The following SOCS6 variants were observed in gnomAD, a reference collection of about 807,000 sequenced individuals.
SOCS6 encodes suppressor of cytokine signaling 6, also known as STAT induced STAT inhibitor-4.
Under a neutral mutation model 27.7 loss-of-function variants are expected in SOCS6, and 5 were observed. The observed-to-expected ratio is 0.18, with a 90% CI of 0.09 to 0.38. The LOEUF (loss-of-function observed/expected upper bound fraction) is 0.38, where lower values mean the gene tolerates loss of function less well. Ranked by LOEUF, SOCS6 falls within the 10% of genes least tolerant of loss-of-function variation. The pLI is 1.00. For synonymous variants in SOCS6, 271 were observed against 260.0 expected (o/e 1.04, Z -0.41); for missense variants, 595 against 688.1 (o/e 0.86, Z 1.51).
In SOCS6 at chr18:70,316,050, A is replaced by G. The variant is rs189924444; in HGVS notation, c.-126-8493A>G. On this transcript the variant is annotated intron_variant, in intron 1 of 1. Coordinates refer to ENST00000397942, the MANE Select transcript of SOCS6 (RefSeq NM_004232.4). ...TTTTTAGTAGAGACAGGGTTTCAGC[A>G]TGTTGGCCAGGCTGGTCTTGAGCTC... Among the ~76,000 whole-genome samples, 817 of 152,068 alleles carry G rather than the reference A, an allele frequency of 5.4e-3. 1 individual carries two copies. The highest frequency in any genetic ancestry group is 6.7e-3 in the Non-Finnish European group (454 of 67,980).
In SOCS6 at chr18:70,326,630, C is replaced by A; in HGVS notation, c.*354C>A. Reference sequence around the variant, plus strand: ...ATTAAAAGCACATTTCATGTGTATTCAACCCTAAGTAAAGTTGAATGAAAC... The same window carrying A: ...ATTAAAAGCACATTTCATGTGTATTAAACCCTAAGTAAAGTTGAATGAAAC... On this transcript the variant is annotated 3_prime_UTR_variant, in exon 2 of 2. Transcript: ENST00000397942. 4.5e-6 allele frequency: 1 copy of A among 220,174 alleles called. No homozygotes were observed. The highest frequency in any genetic ancestry group is 9.9e-6 in the Non-Finnish European group (1 of 101,050). 13.6% of individuals were successfully genotyped at this position (220,174 alleles called of 1,614,324 possible).
chr18:70,309,421 A>T (rs541019743), intron 1 of SOCS6, among the ~76,000 whole-genome samples: 45 of 152,190 alleles, frequency 3.0e-4, no homozygotes, highest in African/African-American at 1.0e-3. Flanking sequence ...TCTTTTTAAA[A>T]TTTATTTTTG....
intron 1 of SOCS6, among the ~76,000 whole-genome samples, chr18:70,300,112 G>A (rs1021331359): frequency 2.0e-5 from 3 of 151,978 alleles, no homozygotes; most frequent in African/African-American, 7.3e-5. Context: ...GAGGTGTGCA[G>A]TCATTTAATC....
At chr18:70,311,466 A>G (rs148593581) in intron 1 of SOCS6, among the ~76,000 whole-genome samples, 14 of 152,276 alleles carry the variant, frequency 9.2e-5, no homozygotes, top group African/African-American at 3.4e-4. Context: ...ACTGAAACAC[A>G]GAGACAGGGT....
rs747415273 is a variant in SOCS6 at position 70,326,275 on chromosome 18, GA to G, written c.*2del. On this transcript the variant is annotated frameshift_variant and stop_lost, in exon 2 of 2. Transcript: ENST00000397942. LOFTEE classifies it high-confidence loss of function. ...GATTATTTACAGGAGAAGCACTACT[GA>G]AAGATTGAGAACCCTGCATCTTGCA... ...MKDYLQEKHY[*>X] is the part of the protein sequence containing the mutation. 7 of 1,608,012 alleles carry G rather than the reference GA, an allele frequency of 4.4e-6. No homozygotes were observed. The African/African-American group carries it at 6.7e-5, about 15-fold the overall frequency.
At chr18:70,299,986 A>G (rs1458211036) in intron 1 of SOCS6, among the ~76,000 whole-genome samples, 1 of 152,194 alleles carries the variant, frequency 6.6e-6, no homozygotes, top group East Asian at 1.9e-4. Context: ...CCTGGAGCCA[A>G]TCCCCCATGA....
At position 70,326,751 on chromosome 18, in the gene SOCS6, A is replaced by G. The variant is rs1911225479; in HGVS notation, c.*475A>G. The G allele has an allele frequency of 5.9e-6, 1 of 170,908 alleles. No individual in the cohort carries two copies. Among genetic ancestry groups the G allele is most frequent in the African/African-American group, 2.4e-5 (1 of 41,482 alleles). 10.6% of individuals were successfully genotyped at this position (170,908 alleles called of 1,614,324 possible). ...CTGTGTGATAAAACACAGAATTTAC[A>G]TATACACTGAAGATGAGTTTTTAAT... On this transcript the variant is annotated 3_prime_UTR_variant, in exon 2 of 2. Coordinates refer to ENST00000397942, the MANE Select transcript of SOCS6 (RefSeq NM_004232.4).
intron 1 of SOCS6, among the ~76,000 whole-genome samples, chr18:70,309,428 T>G (rs1326472611): frequency 6.6e-6 from 1 of 152,140 alleles, no homozygotes; most frequent in Non-Finnish European, 1.5e-5. Flanking sequence ...AAAATTTATT[T>G]TTGTTTATTT....
At chr18:70,290,693 G>A (rs541674164) in intron 1 of SOCS6, among the ~76,000 whole-genome samples, 1 of 152,330 alleles carries the variant, frequency 6.6e-6, no homozygotes, top group East Asian at 1.9e-4. Flanking sequence ...CTTCTATCTG[G>A]AGTTTGGCCA....
intron 1 of SOCS6, among the ~76,000 whole-genome samples, chr18:70,309,225 C>CT: frequency 6.6e-6 from 1 of 152,076 alleles, no homozygotes; most frequent in South Asian, 2.1e-4. Flanking sequence ...CCATTTGTCA[C>CT]TTTTTTGTTT....
At chr18:70,318,111 A>T (rs1910835321) in intron 1 of SOCS6, among the ~76,000 whole-genome samples, 1 of 152,130 alleles carries the variant, frequency 6.6e-6, no homozygotes, top group Non-Finnish European at 1.5e-5. Flanking sequence ...CTGCCTCAGC[A>T]TCCCAAAGTG....
At position 70,328,516 on chromosome 18, in the gene SOCS6, A is replaced by G. The variant is rs78177688; in HGVS notation, c.*2240A>G. ...TTGAGATTTTCATCTAAATGTTTTT[A>G]AAATTGTATTTTGTGTTTTAGTGGA... On this transcript the variant is annotated 3_prime_UTR_variant, in exon 2 of 2. Transcript: ENST00000397942. The G allele has an allele frequency of 5.6e-4, 93 of 167,074 alleles. No homozygotes were observed. The highest frequency in any genetic ancestry group is 1.2e-3 in the Non-Finnish European group (81 of 68,106). The allele number at this position is 167,074 out of a possible 1,614,324, so 10.3% of individuals were successfully genotyped here.
At chr18:70,319,719 C>A (rs554523001) in intron 1 of SOCS6, among the ~76,000 whole-genome samples, 3 of 150,772 alleles carry the variant, frequency 2.0e-5, no homozygotes, top group South Asian at 4.2e-4. Flanking sequence ...TTCTAAAATT[C>A]TTTTTATGAA....
intron 1 of SOCS6, among the ~76,000 whole-genome samples, chr18:70,312,319 G>A (rs941347125): frequency 6.6e-6 from 1 of 150,866 alleles, no homozygotes; most frequent in Non-Finnish European, 1.5e-5. Context: ...TTTGCTTTTT[G>A]TTTTGTTTTT....
At chr18:70,324,243 A>G (rs1911098868) in intron 1 of SOCS6, among the ~76,000 whole-genome samples, 1 of 151,830 alleles carries the variant, frequency 6.6e-6, no homozygotes, top group South Asian at 2.1e-4. Flanking sequence ...CAGAGCTTGC[A>G]GTGAGCCGAG....
At chr18:70,291,595 G>T (rs936338344) in intron 1 of SOCS6, among the ~76,000 whole-genome samples, 1 of 152,120 alleles carries the variant, frequency 6.6e-6, no homozygotes, top group South Asian at 2.1e-4. Context: ...TTGACTTTTT[G>T]ATGGAGCAAA....
intron 1 of SOCS6, among the ~76,000 whole-genome samples, chr18:70,309,652 T>C (rs2062382549): frequency 6.6e-6 from 1 of 152,150 alleles, no homozygotes; most frequent in African/African-American, 2.4e-5. Flanking sequence ...TGGCTTCATG[T>C]CTCCTTTTCC....
intron 1 of SOCS6, among the ~76,000 whole-genome samples, chr18:70,304,966 G>C (rs901644390): frequency 2.6e-5 from 4 of 152,134 alleles, no homozygotes; most frequent in African/African-American, 9.7e-5. Context: ...CAGCACTTTG[G>C]GATGCCGAGG....
Position 70,325,973 on chromosome 18 carries a change from C to T in SOCS6, c.1305C>T (p.His435=). ...AAACACTTCACACTAGAATTGAGCA[C>T]TCAAATGGTAGGTTTAGCTTTTATG... ...HGKTLHTRIE[H]SNGRFSFYEQ... is the part of the protein sequence containing the mutation. The change falls in exon 2 of 2, where the codon CAC becomes CAT. Residue 435 remains histidine, a synonymous_variant. Transcript: ENST00000397942. This position sits in a 1 kb window ranked among gnomAD's most constrained non-coding sequence, Gnocchi z 6.3. The T allele has an allele frequency of 8.1e-6, 13 of 1,614,240 alleles. No individual in the cohort carries two copies. The highest frequency in any genetic ancestry group is 1.6e-4 in the Middle Eastern group (1 of 6,062).
Sources: gnomAD v4.1 joint callset for allele counts (sites outside exome capture counted in the v4.1 genomes callset) on GRCh38, gnomAD v4.1.1 for gene constraint, Gnocchi (gnomAD v3.1) non-coding constraint, MANE v1.5 for transcripts, NCBI Gene and HGNC (gene_info 2026-07-23, HGNC 2026-07-21) for gene names.